The following PLXDC1 variants were observed in gnomAD, a reference collection of about 807,000 sequenced individuals.
PLXDC1 encodes the protein plexin domain containing 1.
In PLXDC1, 39 loss-of-function variants were observed where a neutral mutation model predicts 61.3. The observed-to-expected ratio is 0.64, with a 90% CI of 0.49 to 0.83. The LOEUF is 0.83. PLXDC1 is among the 40% of genes least tolerant of loss of function. The pLI is 0.00. For synonymous variants in PLXDC1, 212 were observed against 254.5 expected, an observed-to-expected ratio of 0.83 and a Z score of 1.59; for missense variants, 596 against 666.5, an observed-to-expected ratio of 0.89 and a Z score of 1.17.
upstream of PLXDC1, chr17:39,152,804 A>G (rs2045383233): frequency 2.7e-6 from 2 of 734,188 alleles, no homozygotes; most frequent in Non-Finnish European, 3.7e-6. Flanking sequence ...AGAAAAAAAA[A>G]CACCTAAGAA....
chr17:39,126,972 G>A (rs918737889), intron 2 of PLXDC1: 6 of 152,102 alleles, frequency 3.9e-5, no homozygotes, highest in African/African-American at 1.4e-4. Flanking sequence ...CGAGCTCCCA[G>A]GCACTGCCAG....
intron 2 of PLXDC1, among the ~76,000 whole-genome samples, chr17:39,138,487 G>A (rs749836242): frequency 2.0e-5 from 3 of 152,174 alleles, no homozygotes; most frequent in East Asian, 1.9e-4. Context: ...GTTGCTCAGC[G>A]GGAGTATACA....
chr17:39,109,215 C>T, intron 3 of PLXDC1, 33 bp downstream of exon 3: 1 of 1,591,740 alleles, frequency 6.3e-7, no homozygotes, highest in Non-Finnish European at 8.6e-7. Flanking sequence ...CCTCCCAGCA[C>T]AGGGAAGCAT....
intron 7 of PLXDC1, among the ~76,000 whole-genome samples, chr17:39,098,205 C>CAA (rs56027303): frequency 6.9e-5 from 7 of 101,480 alleles, no homozygotes; most frequent in Non-Finnish European, 9.8e-5. Context: ...AACTCCATCT[C>CAA]AAAAAAAAAA....
chr17:39,072,479 G>A lies in PLXDC1; in HGVS notation c.1193C>T (p.Thr398Ile), dbSNP rs529714831. 8.1e-4 allele frequency: 1,248 copies of A among 1,545,454 alleles called. 13 individuals carry two copies. The South Asian group carries it at 0.014, about 17-fold the overall frequency. ...TCCTCCTGCATAGGGATTCAACTTG[G>A]TGTCATCTTCAAAGAGAGAAGACAG... is the stretch of plus-strand genomic sequence containing the variant. ...FIDSLTTEDD[T>I]KLNPYAGGDG... Residue 398 changes from threonine (T) to isoleucine (I), a missense_variant, in exon 12 of 14, where the codon ACC becomes ATC. Thr to Ile is a moderately conservative substitution (Grantham distance 89). Transcript: ENST00000315392.
At chr17:39,084,537 G>A (rs147575354) in intron 8 of PLXDC1, among the ~76,000 whole-genome samples, 39 of 152,292 alleles carry the variant, frequency 2.6e-4, no homozygotes, top group Non-Finnish European at 3.5e-4. Context: ...CCTGATGTTC[G>A]GTCCATGGGG....
At chr17:39,127,530 C>T (rs1911346265) in intron 2 of PLXDC1, among the ~76,000 whole-genome samples, 1 of 152,026 alleles carries the variant, frequency 6.6e-6, no homozygotes, top group Admixed American at 6.6e-5. Context: ...AGTAGAGGGG[C>T]TAAGAAACTC....
chr17:39,096,929 ACTTTT>A (rs766270843), intron 7 of PLXDC1: 45 of 471,180 alleles, frequency 9.6e-5, no homozygotes, highest in South Asian at 5.7e-4. Flanking sequence ...ATTGCACATG[ACTTTT>A]CTTTTCACCA....
chr17:39,104,023 C>T (rs553257597), intron 7 of PLXDC1, among the ~76,000 whole-genome samples: 4 of 152,228 alleles, frequency 2.6e-5, no homozygotes, highest in African/African-American at 9.6e-5. Flanking sequence ...CCTGCGACAC[C>T]AGCATGAGGA....
intron 9 of PLXDC1, chr17:39,081,330 T>C (rs1490942765): frequency 6.6e-6 from 1 of 152,282 alleles, no homozygotes. Flanking sequence ...AAAATGCTTC[T>C]TGCGGCTGGG....
At chr17:39,099,992 A>T (rs1175672111) in intron 7 of PLXDC1, among the ~76,000 whole-genome samples, 1 of 152,148 alleles carries the variant, frequency 6.6e-6, no homozygotes, top group Non-Finnish European at 1.5e-5. Context: ...ATTAAGCTAT[A>T]AAAAGACCCT....
chr17:39,090,180 A>AC (rs1429578327), intron 7 of PLXDC1, among the ~76,000 whole-genome samples: 2 of 152,134 alleles, frequency 1.3e-5, no homozygotes, highest in Non-Finnish European at 2.9e-5. Context: ...TGGGTCTGGC[A>AC]CCAAAGCATG....
chr17:39,135,459 C>T (rs1334683452), intron 2 of PLXDC1, among the ~76,000 whole-genome samples: 1 of 152,050 alleles, frequency 6.6e-6, no homozygotes, highest in Non-Finnish European at 1.5e-5. Flanking sequence ...GGTAGATCAC[C>T]TGAGGTCAGG....
chr17:39,068,931 G>C (rs566074157), intron 13 of PLXDC1, among the ~76,000 whole-genome samples: 3 of 152,340 alleles, frequency 2.0e-5, no homozygotes, highest in South Asian at 4.1e-4. Flanking sequence ...GAAGCCAGAA[G>C]TGGAGGACTG....
At chr17:39,115,252 C>T (rs149051888) in intron 2 of PLXDC1, among the ~76,000 whole-genome samples, 9 of 152,340 alleles carry the variant, frequency 5.9e-5, no homozygotes, top group Non-Finnish European at 7.4e-5. Flanking sequence ...AGAAATGAAA[C>T]GAGCTGCTGC....
At chr17:39,148,568 TTAA>T (rs1449999529) in intron 1 of PLXDC1, among the ~76,000 whole-genome samples, 1 of 150,920 alleles carries the variant, frequency 6.6e-6, no homozygotes, top group Non-Finnish European at 1.5e-5. Context: ...TATACTAATA[TTAA>T]TAATATTAAT....
intron 7 of PLXDC1, among the ~76,000 whole-genome samples, chr17:39,101,906 C>T (rs909459392): frequency 3.9e-5 from 6 of 151,966 alleles, no homozygotes; most frequent in African/African-American, 1.5e-4. Context: ...CTTCGGGGAG[C>T]AAGTCTATGC....
chr17:39,106,059 G>A, intron 6 of PLXDC1, 106 bp from the exon 7 acceptor site: 1 of 708,812 alleles, frequency 1.4e-6, no homozygotes, highest in Non-Finnish European at 2.4e-6. Flanking sequence ...ACCACCTCCT[G>A]GAGGACTCCA....
At chr17:39,094,517 C>A (rs984452449) in intron 7 of PLXDC1, among the ~76,000 whole-genome samples, 1 of 151,894 alleles carries the variant, frequency 6.6e-6, no homozygotes, top group African/African-American at 2.4e-5. Flanking sequence ...CACTCTGAGT[C>A]TACAACTCCC....
Sources: gnomAD v4.1 joint callset for allele counts (sites outside exome capture counted in the v4.1 genomes callset) on GRCh38, gnomAD v4.1.1 for gene constraint, MANE v1.5 for transcripts, NCBI Gene and HGNC (gene_info 2026-07-23, HGNC 2026-07-21) for gene names.